CASK: variants seen among roughly 807,000 people sequenced by gnomAD.
CASK encodes the protein peripheral plasma membrane protein CASK.
A neutral mutation model predicts 82.9 loss-of-function variants in CASK; 4 were observed. The observed-to-expected ratio is 0.05, with a 90% CI of 0.02 to 0.11. CASK has a LOEUF of 0.11. Among genes scored for constraint, CASK ranks in the 10% least tolerant of loss-of-function variants. The pLI, the probability that CASK is intolerant of heterozygous loss-of-function variation, is 1.00. For missense variants in CASK, 358 were observed against 720.9 expected, an observed-to-expected ratio of 0.50 and a Z score of 5.76; for synonymous variants, 259 against 253.5, an observed-to-expected ratio of 1.02 and a Z score of -0.20.
At chrX:41,691,374 G>A (rs751102862) in intron 5 of CASK, among the ~76,000 whole-genome samples, 1 of 112,221 alleles carries the variant, frequency 8.9e-6, no homozygotes, top group South Asian at 3.7e-4. Context: ...AAGAAGTAAA[G>A]CTAGATGGCA....
At chrX:41,591,522 T>C (rs375202878) in intron 12 of CASK, among the ~76,000 whole-genome samples, 11 of 108,717 alleles carry the variant, frequency 1.0e-4, no homozygotes, top group South Asian at 7.9e-4. Context: ...TCTCCCAGGC[T>C]GGAGTCCAGT....
intron 1 of CASK, among the ~76,000 whole-genome samples, chrX:41,865,187 T>C (rs771546493): frequency 9.0e-6 from 1 of 111,541 alleles, no homozygotes; most frequent in East Asian, 2.8e-4. Context: ...TCAGTCTCCG[T>C]AATGACTCCT....
At chrX:41,739,260 C>T (rs1475254020) in intron 5 of CASK, 124 bp downstream of exon 5, 4 of 500,245 alleles carry the variant, frequency 8.0e-6, no homozygotes, top group African/African-American at 4.8e-5. Flanking sequence ...CAGTTAAATA[C>T]ATTTTTACTT....
At chrX:41,628,011 GA>G (rs1223165207) in intron 9 of CASK, among the ~76,000 whole-genome samples, 1 of 108,454 alleles carries the variant, frequency 9.2e-6, no homozygotes, top group Non-Finnish European at 1.9e-5. Context: ...TCTCAAAAAA[GA>G]AAAAAAAAGA....
intron 22 of CASK, among the ~76,000 whole-genome samples, chrX:41,535,588 A>G (rs762304548): frequency 1.8e-5 from 2 of 110,607 alleles, no homozygotes; most frequent in East Asian, 5.6e-4. Context: ...TGTAACCCAG[A>G]TATCCACTCA....
At chrX:41,525,214 T>C (rs2064694994) in intron 25 of CASK, among the ~76,000 whole-genome samples, 1 of 111,227 alleles carries the variant, frequency 9.0e-6, no homozygotes, top group African/African-American at 3.3e-5. Flanking sequence ...ATAAAATGTA[T>C]ACTCCTCAGC....
intron 5 of CASK, among the ~76,000 whole-genome samples, chrX:41,734,128 T>C (rs758283642): frequency 5.3e-4 from 59 of 111,959 alleles, no homozygotes; most frequent in Middle Eastern, 9.2e-3. Flanking sequence ...GTTTGCACAG[T>C]TCTAAGAACT....
At chrX:41,769,204 T>C (rs962806200) in intron 3 of CASK, among the ~76,000 whole-genome samples, 3 of 104,594 alleles carry the variant, frequency 2.9e-5, no homozygotes, top group Non-Finnish European at 5.9e-5. Context: ...TTTTCTTTTT[T>C]TTTTTTTTTG....
intron 1 of CASK, among the ~76,000 whole-genome samples, chrX:41,889,355 G>T (rs1231630154): frequency 2.7e-5 from 3 of 109,891 alleles, no homozygotes; most frequent in African/African-American, 1.0e-4. Flanking sequence ...GCAGGAGTGA[G>T]GTGGTATTGC....
At chrX:41,751,922 T>C (rs2068797634) in intron 3 of CASK, among the ~76,000 whole-genome samples, 1 of 109,275 alleles carries the variant, frequency 9.2e-6, no homozygotes, top group African/African-American at 3.3e-5. Context: ...GGTACACACC[T>C]GTGGTCCCAG....
At chrX:41,696,919 C>T (rs1192025097) in intron 5 of CASK, 2 of 393,385 alleles carry the variant, frequency 5.1e-6, no homozygotes, top group African/African-American at 2.5e-5. Flanking sequence ...ATTTGCTTAA[C>T]TGTAAACCAT....
chrX:41,683,354 T>C (rs2067393835), intron 5 of CASK: 1 of 112,009 alleles, frequency 8.9e-6, no homozygotes, highest in African/African-American at 3.3e-5. Flanking sequence ...AAACTTCATG[T>C]GGACACCTGA....
intron 14 of CASK, among the ~76,000 whole-genome samples, chrX:41,582,182 C>G (rs1407425360): frequency 9.0e-6 from 1 of 111,453 alleles, no homozygotes; most frequent in Non-Finnish European, 1.9e-5. Context: ...CCCTACAGTC[C>G]GTTCTCTACA....
chrX:41,813,304 A>C (rs1340742905), intron 2 of CASK, among the ~76,000 whole-genome samples: 1 of 111,668 alleles, frequency 9.0e-6, no homozygotes, highest in Non-Finnish European at 1.9e-5. Context: ...AGCAAAAAGA[A>C]CAAAGCTGGA....
At chrX:41,655,952 C>T (rs1192983346) in intron 8 of CASK, among the ~76,000 whole-genome samples, 1 of 111,344 alleles carries the variant, frequency 9.0e-6, no homozygotes, top group East Asian at 2.8e-4. Context: ...GAAACCTGGC[C>T]TATTTATTAA....
At chrX:41,539,422 T>TA (rs2064918806) in intron 22 of CASK, among the ~76,000 whole-genome samples, 1 of 112,233 alleles carries the variant, frequency 8.9e-6, no homozygotes, top group Non-Finnish European at 1.9e-5. Flanking sequence ...AAACAAAACA[T>TA]ACAGCCCTTA....
At chrX:41,631,144 G>A (rs773578485) in intron 9 of CASK, among the ~76,000 whole-genome samples, 11 of 111,842 alleles carry the variant, frequency 9.8e-5, no homozygotes, top group Non-Finnish European at 1.9e-4. Flanking sequence ...ACTTGTAAGT[G>A]TACTAGATAT....
intron 1 of CASK, among the ~76,000 whole-genome samples, chrX:41,873,755 G>A (rs1413169698): frequency 3.8e-5 from 4 of 106,456 alleles, no homozygotes; most frequent in African/African-American, 1.4e-4. Flanking sequence ...TATTAGGTTA[G>A]TGCAAAAGTA....
At chrX:41,823,849 T>C (rs1382905102) in intron 2 of CASK, among the ~76,000 whole-genome samples, 3 of 111,474 alleles carry the variant, frequency 2.7e-5, no homozygotes, top group Non-Finnish European at 5.7e-5. Flanking sequence ...TCATTTTTTT[T>C]CATTGTGGCC....
Sources: allele counts gnomAD v4.1 joint callset (sites outside exome capture counted in the v4.1 genomes callset), GRCh38; gene constraint gnomAD v4.1.1; transcripts MANE v1.5; gene names NCBI Gene and HGNC (gene_info 2026-07-23, HGNC 2026-07-21).